RGS6: variants seen among roughly 807,000 people sequenced by gnomAD.
RGS6 encodes regulator of G protein signaling 6, also known as regulator of G-protein signaling 6.
RGS6 carries 30 observed loss-of-function variants against 78.5 expected under a neutral mutation model. The observed-to-expected ratio is 0.38, with a 90% CI of 0.29 to 0.52. The LOEUF (loss-of-function observed/expected upper bound fraction) is 0.52, where lower values mean the gene tolerates loss of function less well. Ranked by LOEUF, RGS6 falls within the 20% of genes least tolerant of loss-of-function variation. RGS6 has a pLI of 0.85. For synonymous variants in RGS6, 206 were observed against 206.0 expected (o/e 1.00, Z 0.00); for missense variants, 495 against 609.7 (o/e 0.81, Z 1.98).
the RGS6 span, among the ~76,000 whole-genome samples, chr14:71,916,302 C>T: frequency 3.3e-5 from 5 of 152,134 alleles, no homozygotes; most frequent in Non-Finnish European, 5.9e-5. Flanking sequence ...TCCAGCTACT[C>T]GGGCCACGAA....
chr14:72,163,813 G>A (rs1444323147), intron 2 of RGS6, among the ~76,000 whole-genome samples: 1 of 151,080 alleles, frequency 6.6e-6, no homozygotes, highest in Non-Finnish European at 1.5e-5. Flanking sequence ...AATCTGGGAG[G>A]CAATGGTTGC....
Position 72,161,016 on chromosome 14 carries a change from A to T in RGS6, c.85-191079A>T, listed in dbSNP as rs113322119. Among the ~76,000 whole-genome samples, 646 of 152,368 alleles carry T rather than the reference A, an allele frequency of 4.2e-3. 2 individuals are homozygous for T. The highest frequency in any genetic ancestry group is 0.014 in the African/African-American group (603 of 41,590). ...CAAATGCACATCAATGATAGACTGGATAAAGAAAATGTGGCACATATACAC... is the reference window on the plus strand; with the variant it reads ...CAAATGCACATCAATGATAGACTGGTTAAAGAAAATGTGGCACATATACAC... On this transcript the variant is annotated intron_variant, in intron 2 of 17. Transcript: ENST00000553525.
rs117757342 is a variant in RGS6, at chr14:72,303,212, A to G, written c.85-48883A>G. 9.4e-3 allele frequency among the ~76,000 whole-genome samples: 1,427 copies of G among 152,250 alleles called. 17 individuals are homozygous for G. The highest frequency in any genetic ancestry group is 0.014 in the Non-Finnish European group (929 of 68,010). The stretch of plus-strand genomic sequence containing the variant: ...ATCATTTATGTAACTAAAAATACCA[A>G]CTTCCAGGCCAGGTGTGGTGGCTCA... On this transcript the variant is annotated intron_variant, in intron 2 of 17. Transcript: ENST00000553525.
At chr14:71,996,796 C>T (rs995607788) in intron 2 of RGS6, among the ~76,000 whole-genome samples, 1 of 141,382 alleles carries the variant, frequency 7.1e-6, no homozygotes, top group African/African-American at 2.6e-5. Context: ...AAGGGGGTGG[C>T]GGGAGGAAGT....
chr14:71,920,630 C>A, the RGS6 span, among the ~76,000 whole-genome samples: 1 of 97,826 alleles, frequency 1.0e-5, no homozygotes, highest in Non-Finnish European at 2.2e-5. Flanking sequence ...TGCGCACACG[C>A]GCGTGCACAC....
At chr14:71,990,242 C>A (rs1254498361) in intron 2 of RGS6, among the ~76,000 whole-genome samples, 2 of 152,136 alleles carry the variant, frequency 1.3e-5, no homozygotes, top group African/African-American at 2.4e-5. Flanking sequence ...TCTGACACCA[C>A]CACAGTGGGG....
chr14:72,411,085 G>GT (rs1315848727), intron 3 of RGS6, among the ~76,000 whole-genome samples: 1 of 152,076 alleles, frequency 6.6e-6, no homozygotes, highest in Non-Finnish European at 1.5e-5. Context: ...CTTTAAAGTA[G>GT]TTTTTTTCCA....
At chr14:72,242,369 C>G (rs1213832080) in intron 2 of RGS6, among the ~76,000 whole-genome samples, 1 of 152,144 alleles carries the variant, frequency 6.6e-6, no homozygotes, top group East Asian at 1.9e-4. Flanking sequence ...TTTTGGGAGG[C>G]TCTGCTATAG....
At chr14:72,273,677 CT>C (rs900472869) in intron 2 of RGS6, among the ~76,000 whole-genome samples, 1 of 152,108 alleles carries the variant, frequency 6.6e-6, no homozygotes, top group Non-Finnish European at 1.5e-5. Flanking sequence ...AGTATAAGCT[CT>C]TGTAATTTTT....
intron 2 of RGS6, among the ~76,000 whole-genome samples, chr14:71,999,057 C>G (rs886373385): frequency 1.1e-5 from 1 of 89,166 alleles, no homozygotes; most frequent in African/African-American, 3.4e-5. Flanking sequence ...AGTGTGAGAC[C>G]CTATCTCTAA....
intron 2 of RGS6, among the ~76,000 whole-genome samples, chr14:72,034,337 ATTTC>A (rs1252161068): frequency 6.7e-6 from 1 of 149,842 alleles, no homozygotes; most frequent in African/African-American, 2.4e-5. Flanking sequence ...TCTTGAGGTA[ATTTC>A]TTTCTATTAA....
chr14:72,159,917 G>A (rs528548089), intron 2 of RGS6, among the ~76,000 whole-genome samples: 1 of 152,286 alleles, frequency 6.6e-6, no homozygotes, highest in East Asian at 1.9e-4. Context: ...TATCTGTAAG[G>A]TTGACCAGTT....
chr14:72,210,336 G>T (rs1335539957), intron 2 of RGS6, among the ~76,000 whole-genome samples: 1 of 152,066 alleles, frequency 6.6e-6, no homozygotes, highest in African/African-American at 2.4e-5. Flanking sequence ...CCTAGTTCAG[G>T]TTGCTTGTAT....
intron 2 of RGS6, among the ~76,000 whole-genome samples, chr14:72,216,836 G>A (rs1223845885): frequency 2.6e-5 from 4 of 152,112 alleles, no homozygotes; most frequent in African/African-American, 7.2e-5. Flanking sequence ...TTTTTATGTT[G>A]GGCGACAAGG....
chr14:72,473,925 T>C (rs1160936504), intron 9 of RGS6: 1 of 152,256 alleles, frequency 6.6e-6, no homozygotes, highest in African/African-American at 2.4e-5. Context: ...AGCACTGTCC[T>C]TGGGGCCATT....
chr14:72,397,457 G>C (rs867771703), intron 3 of RGS6, among the ~76,000 whole-genome samples: 2 of 151,488 alleles, frequency 1.3e-5, no homozygotes, highest in South Asian at 2.1e-4. Context: ...GGGCTGAGAC[G>C]ATGGGGTTTT....
At chr14:72,446,455 G>A (rs560751368) in intron 3 of RGS6, among the ~76,000 whole-genome samples, 30 of 152,190 alleles carry the variant, frequency 2.0e-4, no homozygotes, top group Non-Finnish European at 3.4e-4. Flanking sequence ...AGTCTGGAGG[G>A]CAATGAAGGC....
chr14:72,412,104 G>A (rs186857187), intron 3 of RGS6, among the ~76,000 whole-genome samples: 3 of 152,110 alleles, frequency 2.0e-5, no homozygotes, highest in South Asian at 2.1e-4. Flanking sequence ...GAAGGATTCC[G>A]TCTTTTTCTA....
chr14:72,291,914 C>T (rs2063646516), intron 2 of RGS6, among the ~76,000 whole-genome samples: 1 of 152,114 alleles, frequency 6.6e-6, no homozygotes, highest in Non-Finnish European at 1.5e-5. Context: ...CAAAATAAGG[C>T]CTCAAAGTGC....
Sources: allele counts gnomAD v4.1 joint callset (sites outside exome capture counted in the v4.1 genomes callset), GRCh38; gene constraint gnomAD v4.1.1; transcripts MANE v1.5; gene names NCBI Gene and HGNC (gene_info 2026-07-23, HGNC 2026-07-21).